Variants in DYNC1I1 observed in about 807,000 individuals in gnomAD.
DYNC1I1 encodes the protein dynein cytoplasmic 1 intermediate chain 1, also known as cytoplasmic dynein 1 intermediate chain 1.
Under a neutral mutation model 86.6 loss-of-function variants are expected in DYNC1I1, and 43 were observed. The ratio of observed to expected loss-of-function variants is 0.50; its 90% CI spans 0.39 to 0.64. DYNC1I1 has a LOEUF of 0.64. DYNC1I1 is among the 30% of genes least tolerant of loss of function. The probability of loss-of-function intolerance (pLI) is 0.00; values close to 1 mark genes in which losing one functional copy is unlikely to be tolerated. For synonymous variants in DYNC1I1, 262 were observed against 283.7 expected (o/e 0.92, Z 0.77); for missense variants, 604 against 788.8 (o/e 0.77, Z 2.81).
intron 12 of DYNC1I1, among the ~76,000 whole-genome samples, chr7:96,033,907 G>A (rs1283490728): frequency 6.6e-6 from 1 of 152,114 alleles, no homozygotes; most frequent in Non-Finnish European, 1.5e-5. Context: ...TTCCTTGGGA[G>A]GCTCAGGCAG....
intron 14 of DYNC1I1, among the ~76,000 whole-genome samples, chr7:96,044,300 C>T (rs190921784): frequency 1.1e-4 from 16 of 152,194 alleles, no homozygotes; most frequent in Non-Finnish European, 1.6e-4. Flanking sequence ...AACATCAGGA[C>T]GGGAATATGT....
intron 6 of DYNC1I1, among the ~76,000 whole-genome samples, chr7:95,883,408 T>A (rs1790507126): frequency 6.6e-6 from 1 of 152,176 alleles, no homozygotes; most frequent in South Asian, 2.1e-4. Context: ...TAGAGCTGCC[T>A]CCAGTTAGTA....
chr7:95,926,886 T>C (rs1187783550), intron 6 of DYNC1I1, among the ~76,000 whole-genome samples: 1 of 152,200 alleles, frequency 6.6e-6, no homozygotes, highest in Non-Finnish European at 1.5e-5. Context: ...CCATATCATA[T>C]TGTGTTTAAT....
chr7:95,997,802 A>G (rs1180278444), intron 10 of DYNC1I1, among the ~76,000 whole-genome samples: 1 of 152,168 alleles, frequency 6.6e-6, no homozygotes, highest in Non-Finnish European at 1.5e-5. Flanking sequence ...GATGCTGAGT[A>G]AAATAGTTGA....
At chr7:95,876,877 TAAC>T (rs903172997) in intron 6 of DYNC1I1, among the ~76,000 whole-genome samples, 5 of 152,022 alleles carry the variant, frequency 3.3e-5, no homozygotes, top group African/African-American at 7.3e-5. Context: ...GTAAAAATGA[TAAC>T]AACAACAAAA....
chr7:96,035,868 C>T (rs1794916454), intron 13 of DYNC1I1, 116 bp downstream of exon 13: 1 of 1,498,972 alleles, frequency 6.7e-7, no homozygotes, highest in Non-Finnish European at 9.1e-7. Flanking sequence ...AAATGGAAAG[C>T]ACGACTTCAA....
intron 5 of DYNC1I1, among the ~76,000 whole-genome samples, chr7:95,861,801 A>G (rs1584103451): frequency 6.6e-6 from 1 of 152,178 alleles, no homozygotes; most frequent in African/African-American, 2.4e-5. Flanking sequence ...GAGAGCTTTC[A>G]TAACCCCTGG....
chr7:95,804,910 A>G (rs748692874), intron 2 of DYNC1I1, 73 bp downstream of exon 2: 174 of 1,503,716 alleles, frequency 1.2e-4, no homozygotes, highest in Non-Finnish European at 1.5e-4. Flanking sequence ...GGTCAAATGG[A>G]TAAATAGGAC....
At chr7:96,107,320 G>T (rs539664307) in intron 16 of DYNC1I1, among the ~76,000 whole-genome samples, 1 of 151,476 alleles carries the variant, frequency 6.6e-6, no homozygotes, top group African/African-American at 2.4e-5. Flanking sequence ...GTGAGCCACC[G>T]TGCCCAGCCA....
intron 10 of DYNC1I1, among the ~76,000 whole-genome samples, chr7:96,011,094 C>T (rs1421207843): frequency 6.6e-6 from 1 of 152,178 alleles, no homozygotes; most frequent in Admixed American, 6.5e-5. Flanking sequence ...TTCTTCAACA[C>T]TGTATTTGAC....
intron 6 of DYNC1I1, among the ~76,000 whole-genome samples, chr7:95,944,781 C>T (rs1484533705): frequency 6.7e-6 from 1 of 149,850 alleles, no homozygotes; most frequent in African/African-American, 2.5e-5. Context: ...GAACAAAAAA[C>T]CAAATACCGC....
intron 14 of DYNC1I1, among the ~76,000 whole-genome samples, chr7:96,053,456 G>A (rs1789466536): frequency 6.6e-6 from 1 of 151,694 alleles, no homozygotes; most frequent in Admixed American, 6.6e-5. Context: ...TTTAAATTTG[G>A]GGGGCCAAAT....
At chr7:95,830,445 T>C (rs1795296370) in intron 5 of DYNC1I1, among the ~76,000 whole-genome samples, 1 of 152,146 alleles carries the variant, frequency 6.6e-6, no homozygotes, top group Admixed American at 6.6e-5. Flanking sequence ...TCCTAGATTG[T>C]CATATAAATG....
At chr7:96,104,284 A>G (rs1791181929) in intron 16 of DYNC1I1, among the ~76,000 whole-genome samples, 1 of 152,130 alleles carries the variant, frequency 6.6e-6, no homozygotes, top group South Asian at 2.1e-4. Flanking sequence ...CCTTTGCCAG[A>G]TATGTTTGTT....
At chr7:95,939,162 C>A (rs1236737906) in intron 6 of DYNC1I1, among the ~76,000 whole-genome samples, 1 of 152,124 alleles carries the variant, frequency 6.6e-6, no homozygotes, top group Non-Finnish European at 1.5e-5. Flanking sequence ...GTCTGAGAGA[C>A]AGTTTGTTAT....
Position 95,956,051 on chromosome 7 carries a change from A to G in DYNC1I1, c.491-21461A>G, listed in dbSNP as rs140749407. On this transcript the variant is annotated intron_variant, in intron 6 of 16. Transcript: ENST00000447467. ...CAGAGTACTACAGTATTTGAATTGA[A>G]AAGTGTTATGCTTTACTGTATCTCC... 6.6e-5 allele frequency among the ~76,000 whole-genome samples: 10 copies of G among 152,304 alleles called. No homozygotes were observed. The East Asian group carries it at 1.9e-3, about 29-fold the overall frequency.
chr7:95,955,536 G>C (rs901645838), intron 6 of DYNC1I1, among the ~76,000 whole-genome samples: 1 of 151,758 alleles, frequency 6.6e-6, no homozygotes, highest in Non-Finnish European at 1.5e-5. Flanking sequence ...TGTTGCCCAG[G>C]CTGGTTTTCA....
intron 6 of DYNC1I1, among the ~76,000 whole-genome samples, chr7:95,942,199 G>A (rs1210908274): frequency 2.0e-5 from 3 of 151,998 alleles, no homozygotes; most frequent in Admixed American, 6.5e-5. Flanking sequence ...TATCACCACC[G>A]ATCCCACAGA....
At chr7:95,935,106 T>C (rs1450391198) in intron 6 of DYNC1I1, among the ~76,000 whole-genome samples, 1 of 151,990 alleles carries the variant, frequency 6.6e-6, no homozygotes, top group Non-Finnish European at 1.5e-5. Context: ...AGTGAAATGT[T>C]ATGCCTTTGA....
Sources: allele counts gnomAD v4.1 joint callset (sites outside exome capture counted in the v4.1 genomes callset), GRCh38; gene constraint gnomAD v4.1.1; transcripts MANE v1.5; gene names NCBI Gene and HGNC (gene_info 2026-07-23, HGNC 2026-07-21).